The following USP31 variants were observed in gnomAD, a reference collection of about 807,000 sequenced individuals.
USP31 encodes ubiquitin carboxyl-terminal hydrolase 31.
Under a neutral mutation model 119.4 loss-of-function variants are expected in USP31, and 44 were observed. The observed-to-expected ratio is 0.37, with a 90% CI of 0.29 to 0.47. USP31 has a LOEUF of 0.47. USP31 is among the 20% of genes least tolerant of loss of function. The pLI, the probability that USP31 is intolerant of heterozygous loss-of-function variation, is 0.99. For missense variants in USP31, 1,643 were observed against 1,730.2 expected (o/e 0.95, Z 0.89); for synonymous variants, 749 against 705.6 (o/e 1.06, Z -0.97).
At chr16:23,142,240 T>C (rs994955461) in intron 1 of USP31, among the ~76,000 whole-genome samples, 3 of 152,242 alleles carry the variant, frequency 2.0e-5, no homozygotes, top group African/African-American at 7.2e-5. Flanking sequence ...TAAGATGTGG[T>C]AAACATCAGC....
At chr16:23,136,299 T>C (rs377214985) in intron 1 of USP31, among the ~76,000 whole-genome samples, 7 of 152,124 alleles carry the variant, frequency 4.6e-5, no homozygotes, top group East Asian at 1.9e-4. Context: ...CAATGATCTA[T>C]TGAATATGAA....
intron 1 of USP31, among the ~76,000 whole-genome samples, chr16:23,128,689 C>A (rs1230822896): frequency 6.6e-6 from 1 of 152,134 alleles, no homozygotes; most frequent in East Asian, 1.9e-4. Context: ...AATAAATTAA[C>A]GGGTCAGGGA....
chr16:23,094,175 C>T lies in USP31; in HGVS notation c.1235-3371G>A, dbSNP rs558118520. Among the ~76,000 whole-genome samples the T allele has an allele frequency of 7.9e-4, 120 of 152,252 alleles. 1 individual carries two copies. The highest frequency in any genetic ancestry group is 2.8e-3 in the African/African-American group (118 of 41,536). ...GTGCTTTTCCCAAGGTCTCAGCAAC[C>T]GGCAGACAAGGAGATTCTCTCCCAT... is the stretch of plus-strand genomic sequence containing the variant. On this transcript the variant is annotated intron_variant, in intron 6 of 15. Transcript: ENST00000219689.
chr16:23,147,857 T>G (rs573864017), intron 1 of USP31, among the ~76,000 whole-genome samples: 1 of 152,154 alleles, frequency 6.6e-6, no homozygotes, highest in African/African-American at 2.4e-5. Context: ...GGCGGGAGGA[T>G]TGCTTGAGCC....
intron 1 of USP31, among the ~76,000 whole-genome samples, chr16:23,138,720 C>T (rs1009097286): frequency 3.3e-5 from 5 of 152,128 alleles, no homozygotes; most frequent in Admixed American, 2.0e-4. Flanking sequence ...AGGTTCCAAA[C>T]CCTTGCACTT....
intron 1 of USP31, among the ~76,000 whole-genome samples, chr16:23,122,489 A>C (rs1902704790): frequency 6.6e-6 from 1 of 152,238 alleles, no homozygotes; most frequent in Non-Finnish European, 1.5e-5. Context: ...ACATATCTCC[A>C]CATAAAAATC....
intron 6 of USP31, among the ~76,000 whole-genome samples, chr16:23,093,821 A>G (rs1901478614): frequency 6.6e-6 from 1 of 152,272 alleles, no homozygotes; most frequent in African/African-American, 2.4e-5. Context: ...AATGTGGTAC[A>G]TGCATATGTA....
At chr16:23,145,721 G>A (rs1264446153) in intron 1 of USP31, among the ~76,000 whole-genome samples, 1 of 152,168 alleles carries the variant, frequency 6.6e-6, no homozygotes, top group Non-Finnish European at 1.5e-5. Flanking sequence ...CTGAATCCTT[G>A]TTGGGCCCAA....
chr16:23,116,449 A>G (rs2141883970), intron 1 of USP31, among the ~76,000 whole-genome samples: 1 of 152,344 alleles, frequency 6.6e-6, no homozygotes, highest in South Asian at 2.1e-4. Flanking sequence ...CATAAGGGAT[A>G]AAATTTGTAC....
chr16:23,116,597 TC>T (rs1276234821), intron 1 of USP31, among the ~76,000 whole-genome samples: 2 of 152,270 alleles, frequency 1.3e-5, no homozygotes, highest in East Asian at 3.9e-4. Flanking sequence ...CCTTATCTTC[TC>T]CTCTGAGGGG....
chr16:23,089,563 T>C (rs1246260819), intron 7 of USP31, among the ~76,000 whole-genome samples: 1 of 152,226 alleles, frequency 6.6e-6, no homozygotes, highest in Non-Finnish European at 1.5e-5. Flanking sequence ...TTTACATTTA[T>C]GTTATTTACT....
intron 1 of USP31, among the ~76,000 whole-genome samples, chr16:23,114,553 C>T (rs1902431863): frequency 6.6e-6 from 1 of 152,010 alleles, no homozygotes; most frequent in South Asian, 2.1e-4. Context: ...TTATACACAG[C>T]ATCCATTCAG....
intron 1 of USP31, among the ~76,000 whole-genome samples, chr16:23,139,375 C>T (rs1357098085): frequency 6.6e-6 from 1 of 152,212 alleles, no homozygotes; most frequent in African/African-American, 2.4e-5. Flanking sequence ...CACACCACTG[C>T]ACTGCAGCCT....
chr16:23,132,652 C>T (rs564476774), intron 1 of USP31, among the ~76,000 whole-genome samples: 2 of 152,308 alleles, frequency 1.3e-5, no homozygotes, highest in African/African-American at 4.8e-5. Flanking sequence ...TTCCTTTCTA[C>T]ATGGGTCACC....
intron 6 of USP31, among the ~76,000 whole-genome samples, chr16:23,101,825 G>T (rs1253278252): frequency 2.0e-5 from 3 of 151,930 alleles, no homozygotes; most frequent in Non-Finnish European, 4.4e-5. Flanking sequence ...AGCCCAAACC[G>T]CAGTAAGAGG....
chr16:23,143,294 T>G (rs1382358099), intron 1 of USP31, among the ~76,000 whole-genome samples: 1 of 152,212 alleles, frequency 6.6e-6, no homozygotes, highest in Non-Finnish European at 1.5e-5. Context: ...AATTTATCTT[T>G]CTTGCTTGAA....
At position 23,090,562 on chromosome 16, in the gene USP31, A is replaced by T. The variant is rs1901311595; in HGVS notation, c.1415+62T>A. On this transcript the variant is annotated intron_variant, in intron 7 of 15. Coordinates refer to ENST00000219689, the MANE Select transcript of USP31 (RefSeq NM_020718.4). ...GAACTTTTTGCCCATGCTTTTTAAC[A>T]TGTTTGAAAATACTGAACTGTTACA... 2.1e-6 allele frequency: 3 copies of T among 1,429,862 alleles called. No homozygotes were observed. In the Admixed American group the frequency reaches 6.7e-5, roughly 32 times the overall value. The allele number at this position is 1,429,862 out of a possible 1,614,324, so 88.6% of individuals were successfully genotyped here.
intron 1 of USP31, among the ~76,000 whole-genome samples, chr16:23,138,609 C>A (rs556882505): frequency 6.6e-6 from 1 of 152,320 alleles, no homozygotes; most frequent in African/African-American, 2.4e-5. Flanking sequence ...CCTGCTCAAA[C>A]CATCACTCAG....
At chr16:23,128,177 T>TC (rs1202539457) in intron 1 of USP31, among the ~76,000 whole-genome samples, 1 of 152,194 alleles carries the variant, frequency 6.6e-6, no homozygotes, top group Non-Finnish European at 1.5e-5. Flanking sequence ...ACCATGTGCA[T>TC]CCCTCATGCC....
Sources: allele counts gnomAD v4.1 joint callset (sites outside exome capture counted in the v4.1 genomes callset), GRCh38; gene constraint gnomAD v4.1.1; transcripts MANE v1.5; gene names NCBI Gene and HGNC (gene_info 2026-07-23, HGNC 2026-07-21).